Variants in KDM5B observed in about 807,000 individuals in gnomAD.
KDM5B encodes the protein lysine demethylase 5B, also known as lysine-specific demethylase 5B.
A neutral mutation model predicts 193.4 loss-of-function variants in KDM5B; 144 were observed. That is an observed-to-expected ratio of 0.74 (90% CI 0.65 to 0.86). KDM5B has a LOEUF of 0.86. Among genes scored for constraint, KDM5B ranks in the 40% least tolerant of loss-of-function variants. The pLI is 0.00. For synonymous variants in KDM5B, 668 were observed against 682.6 expected, an observed-to-expected ratio of 0.98 and a Z score of 0.33; for missense variants, 1,833 against 1,886.9, an observed-to-expected ratio of 0.97 and a Z score of 0.53.
intron 7 of KDM5B, among the ~76,000 whole-genome samples, chr1:202,762,474 C>T (rs528823812): frequency 2.0e-5 from 3 of 152,276 alleles, no homozygotes; most frequent in East Asian, 3.9e-4. Flanking sequence ...CAGTCAATGC[C>T]GCCCCGGATG....
chr1:202,766,774 G>A, intron 5 of KDM5B, 152 bp downstream of exon 5: 1 of 819,832 alleles, frequency 1.2e-6, no homozygotes, highest in Non-Finnish European at 1.9e-6. Context: ...ATTCACCCAA[G>A]TGTAAAAGCT....
intron 1 of KDM5B, among the ~76,000 whole-genome samples, chr1:202,794,711 T>C (rs1391029919): frequency 1.3e-5 from 2 of 152,202 alleles, no homozygotes; most frequent in Non-Finnish European, 2.9e-5. Context: ...AAAGTCACAA[T>C]AGAAATGTAG....
At chr1:202,734,810 G>A (rs1655035470) in intron 22 of KDM5B, among the ~76,000 whole-genome samples, 1 of 152,218 alleles carries the variant, frequency 6.6e-6, no homozygotes, top group Non-Finnish European at 1.5e-5. Flanking sequence ...AATGGGAGAA[G>A]GTGTCCAGAT....
chr1:202,807,994 G>T, intron 1 of KDM5B, 108 bp downstream of exon 1: 1 of 1,155,528 alleles, frequency 8.7e-7, no homozygotes. Context: ...GACGAGGCCG[G>T]CGGGGCGACC....
chr1:202,734,696 G>A lies in KDM5B; in HGVS notation c.3423+733C>T, dbSNP rs907610624. ...GATGGCAGAATTCTGTCTAGAACCT[G>A]ACTGAATATACGAATATACACTAAG... On this transcript the variant is annotated intron_variant, in intron 22 of 26. Transcript: ENST00000367265. 2.6e-5 allele frequency among the ~76,000 whole-genome samples: 4 copies of A among 152,202 alleles called. 1 individual carries two copies. The highest frequency in any genetic ancestry group is 2.6e-4 in the Admixed American group (4 of 15,282).
chr1:202,734,084 G>T (rs1368415573), intron 22 of KDM5B, among the ~76,000 whole-genome samples, 198 bp from the exon 23 acceptor site: 3 of 152,052 alleles, frequency 2.0e-5, no homozygotes, highest in African/African-American at 7.2e-5. Context: ...TAAAATGGAG[G>T]TGATAATAGT....
Position 202,733,801 on chromosome 1 carries a change from G to C in KDM5B, c.3509C>G (p.Pro1170Arg). 6.2e-7 allele frequency: 1 copy of C among 1,614,158 alleles called. No homozygotes were observed. Among genetic ancestry groups the C allele is most frequent in the Non-Finnish European group, 8.5e-7 (1 of 1,180,028 alleles). ...GATTTTTATATCCACATCTTGGAGA[G>C]GCGACAGCAATTTCCCTTCATTGGC... is the stretch of plus-strand genomic sequence containing the variant. ...RLANEGKLLS[P>R]LQDVDIKICL... The change falls in exon 23 of 27, where the codon CCT (proline) becomes CGT (arginine). Residue 1170 changes from proline (P) to arginine (R), a missense_variant. Transcript: ENST00000367265.
chr1:202,736,767 G>A (rs1359414781), intron 20 of KDM5B, among the ~76,000 whole-genome samples: 1 of 151,610 alleles, frequency 6.6e-6, no homozygotes, highest in Non-Finnish European at 1.5e-5. Context: ...TCAGCCTCCC[G>A]GGTAGCTGGG....
chr1:202,736,063 A>G (rs1655081585), intron 21 of KDM5B, 150 bp downstream of exon 21: 2 of 543,938 alleles, frequency 3.7e-6, no homozygotes, highest in Non-Finnish European at 5.9e-6. Flanking sequence ...TTGCTTCACC[A>G]GAAAATTAGA....
At position 202,726,330 on chromosome 1, in the gene KDM5B, G is replaced by A. The variant is rs1432780184; in HGVS notation, c.*2706C>T. The A allele has an allele frequency of 3.3e-5, 5 of 152,154 alleles. No individual in the cohort carries two copies. The highest frequency in any genetic ancestry group is 9.7e-5 in the African/African-American group (4 of 41,438). 9.4% of individuals were successfully genotyped at this position (152,154 alleles called of 1,614,324 possible). A position where few individuals can be genotyped will look rare whatever the true frequency, so the allele number is the denominator to read the frequency against. Reference sequence around the variant, plus strand: ...ATCCCACCTCCTAGGATACTGAAACGAAGCTGTAAAGAAGTCAACTTCCTT... The same window carrying A: ...ATCCCACCTCCTAGGATACTGAAACAAAGCTGTAAAGAAGTCAACTTCCTT... On this transcript the variant is annotated 3_prime_UTR_variant, in exon 27 of 27. Transcript: ENST00000367265.
At chr1:202,734,523 G>T (rs1051638935) in intron 22 of KDM5B, among the ~76,000 whole-genome samples, 6 of 151,944 alleles carry the variant, frequency 3.9e-5, no homozygotes, top group African/African-American at 9.7e-5. Flanking sequence ...TTAAAACCAG[G>T]GGTCTACAGA....
intron 20 of KDM5B, among the ~76,000 whole-genome samples, chr1:202,738,799 G>A (rs1185512968): frequency 6.6e-5 from 10 of 152,096 alleles, no homozygotes; most frequent in African/African-American, 2.4e-4. Context: ...TCAGCCAGTC[G>A]TCTGAAAACT....
chr1:202,767,488 G>A (rs538629440), intron 4 of KDM5B: 331 of 908,318 alleles, frequency 3.6e-4, no homozygotes, highest in Non-Finnish European at 5.3e-4. Context: ...ACCTCACCAA[G>A]ACCTTTTTTT....
At chr1:202,746,645 GGGTATAGATAAGA>G (rs72367388) in intron 14 of KDM5B, 35,772 of 197,432 alleles carry the variant, frequency 0.18, 3,762 homozygotes, top group Middle Eastern at 0.23. Context: ...TCCACATTTT[GGGTATAGATAAGA>G]GGTATAGATA....
chr1:202,766,501 G>C (rs1332108160), intron 5 of KDM5B: 1 of 431,208 alleles, frequency 2.3e-6, no homozygotes. Flanking sequence ...GCGAGACTCT[G>C]TCTCTAAAAA....
At chr1:202,776,646 T>G (rs998343484) in intron 2 of KDM5B, among the ~76,000 whole-genome samples, 97 of 152,204 alleles carry the variant, frequency 6.4e-4, no homozygotes, top group African/African-American at 2.3e-3. Context: ...ACTACAGTCT[T>G]GACCTCCCAG....
chr1:202,796,279 C>T (rs1028111897), intron 1 of KDM5B: 3 of 417,608 alleles, frequency 7.2e-6, no homozygotes, highest in African/African-American at 6.3e-5. Context: ...GTACCTATGA[C>T]CAAATGGTCC....
chr1:202,802,571 T>G (rs1213730659), intron 1 of KDM5B, among the ~76,000 whole-genome samples: 2 of 152,038 alleles, frequency 1.3e-5, no homozygotes, highest in Non-Finnish European at 2.9e-5. Context: ...TTTTATATTT[T>G]TAGTAGAGAC....
rs926187168 is a variant in KDM5B at position 202,767,924 on chromosome 1, TA to T, written c.577-865del. Among the ~76,000 whole-genome samples, 16 of 151,322 alleles carry T rather than the reference TA, an allele frequency of 1.1e-4. No individual in the cohort carries two copies. In the South Asian group the frequency reaches 2.3e-3, roughly 22 times the overall value. ...TCTCATTTTTAACAAGTGTTCGGAA[TA>T]AAAAAAAATAAGGAATCCAATATGT... On this transcript the variant is annotated intron_variant, in intron 4 of 26. Transcript: ENST00000367265.
Sources: gnomAD v4.1 joint callset for allele counts (sites outside exome capture counted in the v4.1 genomes callset) on GRCh38, gnomAD v4.1.1 for gene constraint, MANE v1.5 for transcripts, NCBI Gene and HGNC (gene_info 2026-07-23, HGNC 2026-07-21) for gene names.